HNMT: variants seen among roughly 807,000 people sequenced by gnomAD.
HNMT encodes the protein histamine N-methyltransferase.
In HNMT, 30 loss-of-function variants were observed where a neutral mutation model predicts 32.1. The observed-to-expected ratio is 0.93, with a 90% CI of 0.70 to 1.27. The LOEUF (loss-of-function observed/expected upper bound fraction) is 1.27, where lower values mean the gene tolerates loss of function less well. HNMT is among the 50% of genes most tolerant of loss of function. HNMT has a pLI of 0.00. For missense variants in HNMT, 327 were observed against 346.0 expected, an observed-to-expected ratio of 0.95 and a Z score of 0.43; for synonymous variants, 125 against 119.0, an observed-to-expected ratio of 1.05 and a Z score of -0.33.
At chr2:138,008,266 T>G (rs1054563756) in intron 5 of HNMT, among the ~76,000 whole-genome samples, 1 of 152,002 alleles carries the variant, frequency 6.6e-6, no homozygotes, top group Non-Finnish European at 1.5e-5. Context: ...CTGCATTAGT[T>G]TTTTAGGCCA....
rs116825535 is a variant in HNMT at position 137,998,672 on chromosome 2, G to A, written c.191-2246G>A. 9.5e-4 allele frequency among the ~76,000 whole-genome samples: 144 copies of A among 152,278 alleles called. 1 individual carries two copies. Among genetic ancestry groups the A allele is most frequent in the African/African-American group, 3.3e-3 (136 of 41,564 alleles). ...TTGTGTCCTCTATCAGTGCCCCAGG[G>A]AGAGGGACTGCCTGGCTCTGAACAT... On this transcript the variant is annotated intron_variant, in intron 2 of 5. Transcript: ENST00000280097.
chr2:137,991,705 AATAG>A (rs778238992), intron 2 of HNMT: 28 of 152,214 alleles, frequency 1.8e-4, no homozygotes, highest in Admixed American at 4.6e-4. Context: ...TATGTATGTA[AATAG>A]ATAGAAGTAG....
intron 2 of HNMT, among the ~76,000 whole-genome samples, chr2:137,985,880 G>T (rs369150800): frequency 1.3e-5 from 2 of 152,044 alleles, no homozygotes; most frequent in African/African-American, 4.8e-5. Context: ...GCATTATAAA[G>T]TATCCTTGAA....
In HNMT at chr2:137,970,173, A is replaced by T. The variant is rs752999050; in HGVS notation, c.146A>T (p.Asp49Val). 3.8e-6 allele frequency: 6 copies of T among 1,570,142 alleles called. No individual in the cohort carries two copies. The highest frequency in any genetic ancestry group is 5.2e-6 in the Non-Finnish European group (6 of 1,147,158). Residue 49 changes from aspartate to valine, a missense_variant, in exon 2 of 6, where the codon GAC becomes GTC. By Grantham distance (152) the Asp-to-Val change is radical. Coordinates refer to ENST00000280097, the MANE Select transcript of HNMT (RefSeq NM_006895.3). ...KLPGIIGRIG[D>V]TKSEIKILSI... ...TAATTTTTTTCTTTCAGGATTGGAG[A>T]CACAAAATCAGAAATTAAGATTCTA...
chr2:137,991,942 G>A (rs1680830332), intron 2 of HNMT: 1 of 152,208 alleles, frequency 6.6e-6, no homozygotes, highest in Non-Finnish European at 1.5e-5. Context: ...CTGACTAGGA[G>A]GTTGGTGTGA....
At chr2:137,985,777 A>T (rs1680635088) in intron 2 of HNMT, among the ~76,000 whole-genome samples, 1 of 152,178 alleles carries the variant, frequency 6.6e-6, no homozygotes, top group Non-Finnish European at 1.5e-5. Flanking sequence ...CAGTATACTA[A>T]CATTTACTAT....
rs1273027664 is a variant in HNMT at position 138,015,355 on chromosome 2, G to A, written c.*1225G>A. 1 of 152,086 alleles carries A rather than the reference G, an allele frequency of 6.6e-6. No homozygotes were observed. The highest frequency in any genetic ancestry group is 6.6e-5 in the Admixed American group (1 of 15,252). The allele number at this position is 152,086 out of a possible 1,614,324, so 9.4% of individuals were successfully genotyped here. A position where few individuals can be genotyped will look rare whatever the true frequency, so the allele number is the denominator to read the frequency against. On this transcript the variant is annotated 3_prime_UTR_variant, in exon 6 of 6. Transcript: ENST00000280097. ...CATGAGCCCTCATTCTGCCAGTGAGGAAGCCTTCAACCCCGTGTGATACTC... is the reference window on the plus strand; with the variant it reads ...CATGAGCCCTCATTCTGCCAGTGAGAAAGCCTTCAACCCCGTGTGATACTC...
intron 2 of HNMT, among the ~76,000 whole-genome samples, chr2:137,982,798 C>T (rs565429907): frequency 2.6e-5 from 4 of 152,158 alleles, no homozygotes; most frequent in Non-Finnish European, 5.9e-5. Flanking sequence ...CATAAACTGC[C>T]TAAGTGCTAT....
At chr2:137,980,661 CCCT>C (rs1024864837) in intron 2 of HNMT, among the ~76,000 whole-genome samples, 1 of 152,108 alleles carries the variant, frequency 6.6e-6, no homozygotes, top group Non-Finnish European at 1.5e-5. Context: ...TGTTGCAAAA[CCCT>C]CAGGCAGTAG....
At chr2:137,992,000 G>A (rs1215547328) in intron 2 of HNMT, 3 of 148,872 alleles carry the variant, frequency 2.0e-5, no homozygotes, top group African/African-American at 5.0e-5. Context: ...CCACATGAGA[G>A]CCACATGGAG....
At chr2:137,994,322 G>C (rs556825602) in intron 2 of HNMT, among the ~76,000 whole-genome samples, 1 of 152,288 alleles carries the variant, frequency 6.6e-6, no homozygotes, top group East Asian at 1.9e-4. Context: ...AAAATAAGGG[G>C]ATGGAGGAAA....
chr2:137,981,571 T>C (rs1680501846), intron 2 of HNMT: 4 of 567,906 alleles, frequency 7.0e-6, no homozygotes, highest in African/African-American at 1.9e-5. Context: ...ACGTCTCCAA[T>C]GGTTAGAACC....
chr2:137,967,499 T>G (rs1276986229), intron 1 of HNMT: 1 of 174,436 alleles, frequency 5.7e-6, no homozygotes, highest in Non-Finnish European at 1.2e-5. Flanking sequence ...TTCCCTATTT[T>G]GAACTTTTTA....
At chr2:137,970,933 A>AAAAAAG (rs1424481237) in intron 2 of HNMT, among the ~76,000 whole-genome samples, 14 of 86,684 alleles carry the variant, frequency 1.6e-4, no homozygotes, top group African/African-American at 5.8e-4. Flanking sequence ...AAAAAAAAAA[A>AAAAAAG]AAAGAAAGAA....
chr2:138,008,023 T>A (rs1411703446), intron 5 of HNMT, among the ~76,000 whole-genome samples: 1 of 151,968 alleles, frequency 6.6e-6, no homozygotes, highest in Non-Finnish European at 1.5e-5. Flanking sequence ...CAGGGGTACA[T>A]CTGAAGGTTT....
At chr2:138,000,302 G>A (rs1573671435) in intron 2 of HNMT, among the ~76,000 whole-genome samples, 1 of 151,990 alleles carries the variant, frequency 6.6e-6, no homozygotes, top group African/African-American at 2.4e-5. Flanking sequence ...ATCATCTCTC[G>A]TCCTCTCCCC....
intron 2 of HNMT, chr2:137,991,904 C>T (rs1680829114): frequency 6.6e-6 from 1 of 152,182 alleles, no homozygotes; most frequent in African/African-American, 2.4e-5. Flanking sequence ...TCACCAGCAA[C>T]CAAGGCATCC....
chr2:137,979,265 T>TTTA (rs1680407347), intron 2 of HNMT, among the ~76,000 whole-genome samples: 1 of 150,362 alleles, frequency 6.7e-6, no homozygotes, highest in Non-Finnish European at 1.5e-5. Context: ...AATGTATACT[T>TTTA]TTATTTATTT....
intron 2 of HNMT, among the ~76,000 whole-genome samples, chr2:137,994,722 T>C (rs1282748477): frequency 6.6e-6 from 1 of 152,214 alleles, no homozygotes; most frequent in Non-Finnish European, 1.5e-5. Context: ...TATACATTCT[T>C]CGCAATGCCA....
Sources: gnomAD v4.1 joint callset for allele counts (sites outside exome capture counted in the v4.1 genomes callset) on GRCh38, gnomAD v4.1.1 for gene constraint, MANE v1.5 for transcripts, NCBI Gene and HGNC (gene_info 2026-07-23, HGNC 2026-07-21) for gene names.